Variants in OR4K1 observed in about 807,000 individuals in gnomAD.
OR4K1 encodes olfactory receptor family 4 subfamily K member 1.
Under a neutral mutation model 14.4 loss-of-function variants are expected in OR4K1, and 16 were observed. The ratio of observed to expected loss-of-function variants is 1.11; its 90% CI spans 0.75 to 1.68. OR4K1 has a LOEUF of 1.68. Ranked by LOEUF, OR4K1 falls within the 40% of genes most tolerant of loss-of-function variation. The pLI, the probability that OR4K1 is intolerant of heterozygous loss-of-function variation, is 0.00. For synonymous variants in OR4K1, 181 were observed against 133.1 expected (o/e 1.36, Z -2.48); for missense variants, 548 against 376.9 (o/e 1.45, Z -3.76).
chr14:19,925,072 C>A, the OR4K1 span, among the ~76,000 whole-genome samples: 1 of 151,582 alleles, frequency 6.6e-6, no homozygotes, highest in Non-Finnish European at 1.5e-5. Context: ...TTTTTTTTTC[C>A]TCTGGTTTAC....
chr14:19,926,726 G>C (rs557134702), upstream of OR4K1, among the ~76,000 whole-genome samples: 4 of 152,342 alleles, frequency 2.6e-5, no homozygotes, highest in East Asian at 5.8e-4. Context: ...TACTAACTCT[G>C]GTCTTCAGTG....
chr14:19,934,167 T>C (rs1239705517), intron 1 of OR4K1, among the ~76,000 whole-genome samples: 2 of 152,232 alleles, frequency 1.3e-5, no homozygotes, highest in African/African-American at 4.8e-5. Flanking sequence ...GACAAATAAA[T>C]ATCTGTTGTG....
Position 19,936,516 on chromosome 14 carries a change from C to A in OR4K1, c.850C>A (p.Pro284Thr), listed in dbSNP as rs1433157979. The change falls in exon 2 of 2, where the codon CCC (proline) becomes ACC (threonine). Residue 284 changes from proline (P) to threonine (T), a missense_variant. Pro to Thr is a conservative substitution (Grantham distance 38). Transcript: ENST00000641172. Reference protein sequence around the residue: ...FYTVCTPLLNPIIYSLRNEDV... With the variant: ...FYTVCTPLLNTIIYSLRNEDV... ...CACTGTTTGTACTCCCTTGTTGAAC[C>A]CCATCATCTACTCTCTGAGGAATGA... 6.2e-7 allele frequency: 1 copy of A among 1,613,722 alleles called. No homozygotes were observed. The highest frequency in any genetic ancestry group is 8.5e-7 in the Non-Finnish European group (1 of 1,179,966).
At chr14:19,923,132 T>A in the OR4K1 span, among the ~76,000 whole-genome samples, 3 of 152,244 alleles carry the variant, frequency 2.0e-5, no homozygotes, top group African/African-American at 7.2e-5. Context: ...TTTGTAAATA[T>A]GTAGAAATCA....
the OR4K1 span, among the ~76,000 whole-genome samples, chr14:19,921,813 G>A: frequency 6.6e-6 from 1 of 152,186 alleles, no homozygotes; most frequent in African/African-American, 2.4e-5. Flanking sequence ...TGGATAATAT[G>A]TATGCATTTA....
the OR4K1 span, chr14:19,920,701 C>T: frequency 5.0e-6 from 8 of 1,614,082 alleles, no homozygotes; most frequent in East Asian, 2.2e-5. Context: ...TGTTTCTTCT[C>T]TGTGTTGTAT....
chr14:19,920,596 A>G, the OR4K1 span: 3 of 1,582,344 alleles, frequency 1.9e-6, no homozygotes, highest in Non-Finnish European at 2.6e-6. Context: ...ACAAGTTTGC[A>G]GCTTGGAACC....
chr14:19,932,835 T>G (rs930489742), intron 1 of OR4K1, among the ~76,000 whole-genome samples: 2 of 152,112 alleles, frequency 1.3e-5, no homozygotes, highest in African/African-American at 4.8e-5. Flanking sequence ...CTTAGGGGAC[T>G]GCTTAAAACA....
At chr14:19,921,582 A>T in the OR4K1 span, 2 of 1,603,588 alleles carry the variant, frequency 1.2e-6, no homozygotes, top group Admixed American at 3.5e-5. Flanking sequence ...TCATTAAGAC[A>T]AAACTCCTTC....
chr14:19,930,741 T>A (rs1265763616), upstream of OR4K1, among the ~76,000 whole-genome samples: 1 of 152,280 alleles, frequency 6.6e-6, no homozygotes, highest in Non-Finnish European at 1.5e-5. Flanking sequence ...AAACCTTTTT[T>A]TCTTTTCCAT....
Position 19,936,222 on chromosome 14 carries a change from G to C in OR4K1, c.556G>C (p.Glu186Gln), listed in dbSNP as rs1254931710. 10 of 1,614,110 alleles carry C rather than the reference G, an allele frequency of 6.2e-6. No homozygotes were observed. The East Asian group carries it at 1.8e-4, about 29-fold the overall frequency. Residue 186 changes from glutamate to glutamine, a missense_variant, in exon 2 of 2, where the codon GAG becomes CAG. Transcript: ENST00000641172. The stretch of plus-strand genomic sequence containing the variant: ...CTTTTGTGACCTTCCCTTGGTGATA[G>C]AGCTGGCTTGCATGGATACATATGA... ...SFFCDLPLVIELACMDTYEME... is the reference protein window; with the variant it reads ...SFFCDLPLVIQLACMDTYEME...
At chr14:19,934,063 A>G (rs952215073) in intron 1 of OR4K1, among the ~76,000 whole-genome samples, 1 of 152,268 alleles carries the variant, frequency 6.6e-6, no homozygotes, top group Admixed American at 6.5e-5. Context: ...CTTTTAAAAT[A>G]TAAAATATTT....
upstream of OR4K1, among the ~76,000 whole-genome samples, chr14:19,927,846 T>C (rs1410600498): frequency 6.6e-6 from 1 of 152,138 alleles, no homozygotes; most frequent in Non-Finnish European, 1.5e-5. Flanking sequence ...GCACACAGAG[T>C]GTTTGACATA....
At chr14:19,922,090 A>G in the OR4K1 span, among the ~76,000 whole-genome samples, 1 of 149,264 alleles carries the variant, frequency 6.7e-6, no homozygotes, top group East Asian at 2.1e-4. Flanking sequence ...AAAATCAATT[A>G]TGCCTATCCC....
chr14:19,930,234 A>G (rs1882156733), upstream of OR4K1, among the ~76,000 whole-genome samples: 2 of 152,190 alleles, frequency 1.3e-5, no homozygotes, highest in South Asian at 4.1e-4. Context: ...TGTTTTACTA[A>G]GGTGTACACA....
Position 19,935,863 on chromosome 14 carries a change from T to C in OR4K1, c.197T>C (p.Leu66Pro). The change falls in exon 2 of 2, where the codon CTT (leucine) becomes CCT (proline). Residue 66 changes from leucine to proline, a missense_variant. Physicochemically the swap from Leu to Pro is moderately conservative, Grantham distance 98 (BLOSUM62 -3). Coordinates refer to ENST00000641172, the MANE Select transcript of OR4K1 (RefSeq NM_001004063.3). ...CCTATGTACTTCTTGCTCAGTAATC[T>C]TTCTTTCATTGATATCTGTCAGTCT... ...NSPMYFLLSN[L>P]SFIDICQSNF... The C allele has an allele frequency of 6.2e-7, 1 of 1,614,262 alleles. No homozygotes were observed. The highest frequency in any genetic ancestry group is 8.5e-7 in the Non-Finnish European group (1 of 1,180,038).
chr14:19,921,336 ATT>A, the OR4K1 span: 3 of 1,614,162 alleles, frequency 1.9e-6, no homozygotes, highest in Non-Finnish European at 2.5e-6. Flanking sequence ...GGCTTCCCAT[ATT>A]GCAGTAGTAA....
upstream of OR4K1, among the ~76,000 whole-genome samples, chr14:19,926,175 T>C (rs1486436849): frequency 6.6e-6 from 1 of 152,284 alleles, no homozygotes; most frequent in Non-Finnish European, 1.5e-5. Context: ...ATTGAGTACA[T>C]GAAGGATATA....
At chr14:19,928,384 G>C (rs1347857517), upstream of OR4K1, among the ~76,000 whole-genome samples, 1 of 152,138 alleles carries the variant, frequency 6.6e-6, no homozygotes, top group Non-Finnish European at 1.5e-5. Flanking sequence ...TTTTAGCCAG[G>C]ATCTCTTCAG....
Sources: gnomAD v4.1 joint callset for allele counts (sites outside exome capture counted in the v4.1 genomes callset) on GRCh38, gnomAD v4.1.1 for gene constraint, MANE v1.5 for transcripts, NCBI Gene and HGNC (gene_info 2026-07-23, HGNC 2026-07-21) for gene names.